Variants in KHDRBS2 observed in about 807,000 individuals in gnomAD.
The protein encoded by KHDRBS2 is KH domain-containing, RNA-binding, signal transduction-associated protein 2.
A neutral mutation model predicts 44.3 loss-of-function variants in KHDRBS2; 26 were observed. The ratio of observed to expected loss-of-function variants is 0.59; its 90% CI spans 0.43 to 0.81. The LOEUF is 0.81. Ranked by LOEUF, KHDRBS2 falls within the 40% of genes least tolerant of loss-of-function variation. KHDRBS2 has a pLI of 0.00. For missense variants in KHDRBS2, 476 were observed against 433.1 expected, an observed-to-expected ratio of 1.10 and a Z score of -0.88; for synonymous variants, 194 against 151.1, an observed-to-expected ratio of 1.28 and a Z score of -2.08.
chr6:61,757,894 C>T (rs1029684066), intron 6 of KHDRBS2, among the ~76,000 whole-genome samples: 1 of 152,080 alleles, frequency 6.6e-6, no homozygotes, highest in Admixed American at 6.6e-5. Context: ...GACATTATTC[C>T]CAGTCCTGTG....
chr6:62,240,668 GTGTGTATATATA>G (rs1232334061), intron 1 of KHDRBS2, among the ~76,000 whole-genome samples: 38 of 66,352 alleles, frequency 5.7e-4, no homozygotes, highest in African/African-American at 1.8e-3. Flanking sequence ...ATGTATGTGT[GTGTGTATATATA>G]TATATATATA....
intron 2 of KHDRBS2, among the ~76,000 whole-genome samples, chr6:62,124,145 AG>A (rs1020738862): frequency 6.6e-6 from 1 of 152,174 alleles, no homozygotes; most frequent in Non-Finnish European, 1.5e-5. Flanking sequence ...CAGTACCCCC[AG>A]GGATCTGAGC....
the KHDRBS2 span, among the ~76,000 whole-genome samples, chr6:61,551,928 G>A: frequency 1.3e-5 from 2 of 152,106 alleles, no homozygotes; most frequent in Non-Finnish European, 2.9e-5. Context: ...CATGTGAATG[G>A]GATTGCATTT....
intron 3 of KHDRBS2, among the ~76,000 whole-genome samples, chr6:62,025,119 C>T (rs545482262): frequency 3.1e-4 from 47 of 151,478 alleles, no homozygotes; most frequent in Non-Finnish European, 5.8e-4. Context: ...TTTAAATTTG[C>T]CAATATTCTC....
intron 3 of KHDRBS2, among the ~76,000 whole-genome samples, chr6:62,019,750 C>T (rs957315482): frequency 2.6e-5 from 4 of 151,870 alleles, no homozygotes; most frequent in Non-Finnish European, 4.4e-5. Context: ...ACTTGCTTTT[C>T]TTTTTATATC....
chr6:62,247,350 G>A (rs1484477449), intron 1 of KHDRBS2, among the ~76,000 whole-genome samples: 1 of 150,872 alleles, frequency 6.6e-6, no homozygotes, highest in African/African-American at 2.4e-5. Flanking sequence ...GTTTGCCATT[G>A]CTCCGCATTA....
At chr6:62,219,403 C>T (rs1259975386) in intron 1 of KHDRBS2, among the ~76,000 whole-genome samples, 1 of 151,764 alleles carries the variant, frequency 6.6e-6, no homozygotes, top group Non-Finnish European at 1.5e-5. Context: ...GTTTCCAAAA[C>T]TGATTAAAGA....
chr6:61,580,291 T>C, the KHDRBS2 span, among the ~76,000 whole-genome samples: 7 of 152,236 alleles, frequency 4.6e-5, no homozygotes, highest in Non-Finnish European at 7.4e-5. Flanking sequence ...GCTAAAGGAT[T>C]ATAAATGCAC....
Position 62,258,839 on chromosome 6 carries a change from G to A in KHDRBS2, c.91+27019C>T, listed in dbSNP as rs146474397. ...TAATGTTCCTATTGGTGACCCTTGG[G>A]AGGCAGTTCAAGCTCTGCACATGTC... On this transcript the variant is annotated intron_variant, in intron 1 of 8. Coordinates refer to ENST00000281156, the MANE Select transcript of KHDRBS2 (RefSeq NM_152688.4). 2.3e-3 allele frequency among the ~76,000 whole-genome samples: 350 copies of A among 152,114 alleles called. 1 individual carries two copies. The highest frequency in any genetic ancestry group is 7.7e-3 in the African/African-American group (318 of 41,532).
chr6:62,200,407 C>T (rs1172349281), intron 1 of KHDRBS2, among the ~76,000 whole-genome samples: 1 of 152,144 alleles, frequency 6.6e-6, no homozygotes, highest in African/African-American at 2.4e-5. Context: ...CAAACAACCC[C>T]ATCAACAAGT....
intron 6 of KHDRBS2, among the ~76,000 whole-genome samples, chr6:61,876,111 C>A (rs753159631): frequency 2.0e-5 from 3 of 151,992 alleles, no homozygotes. Context: ...CAGCATCTTG[C>A]AATTTTTCAC....
chr6:62,015,111 T>C (rs1780978339), intron 3 of KHDRBS2, among the ~76,000 whole-genome samples: 1 of 152,148 alleles, frequency 6.6e-6, no homozygotes, highest in African/African-American at 2.4e-5. Context: ...AAAGTAATTG[T>C]TATCTCTTTT....
At chr6:61,991,482 A>G (rs1190341885) in intron 3 of KHDRBS2, among the ~76,000 whole-genome samples, 1 of 152,150 alleles carries the variant, frequency 6.6e-6, no homozygotes, top group East Asian at 1.9e-4. Flanking sequence ...GATGGGTTGA[A>G]AAGAAACCTA....
intron 6 of KHDRBS2, among the ~76,000 whole-genome samples, chr6:61,802,955 C>A (rs2127590149): frequency 6.6e-6 from 1 of 152,152 alleles, no homozygotes; most frequent in East Asian, 1.9e-4. Flanking sequence ...TAATAAAGAG[C>A]AGATAGAAAG....
At chr6:61,752,416 G>A (rs575185248) in intron 6 of KHDRBS2, among the ~76,000 whole-genome samples, 1 of 152,178 alleles carries the variant, frequency 6.6e-6, no homozygotes, top group African/African-American at 2.4e-5. Context: ...GACTCTAAAT[G>A]CTAGTCTCTT....
intron 1 of KHDRBS2, among the ~76,000 whole-genome samples, chr6:62,269,122 A>C (rs1214195259): frequency 6.6e-6 from 1 of 152,088 alleles, no homozygotes; most frequent in African/African-American, 2.4e-5. Context: ...ATAAACCTAT[A>C]CTTAAAAGCT....
At chr6:62,238,276 T>G (rs1268230862) in intron 1 of KHDRBS2, among the ~76,000 whole-genome samples, 4 of 152,086 alleles carry the variant, frequency 2.6e-5, no homozygotes, top group African/African-American at 9.7e-5. Context: ...GTTATTATTC[T>G]CCCACAAGAA....
chr6:61,728,918 A>G (rs1774003473), intron 7 of KHDRBS2, among the ~76,000 whole-genome samples: 1 of 152,128 alleles, frequency 6.6e-6, no homozygotes, highest in Admixed American at 6.6e-5. Flanking sequence ...AGACAATGTA[A>G]TGATTCTTCA....
the KHDRBS2 span, among the ~76,000 whole-genome samples, chr6:61,673,123 T>C: frequency 2.0e-5 from 3 of 151,972 alleles, no homozygotes; most frequent in Non-Finnish European, 2.9e-5. Flanking sequence ...CCATTGCTTG[T>C]TTTTCTCAGG....
Sources: gnomAD v4.1 joint callset for allele counts (sites outside exome capture counted in the v4.1 genomes callset) on GRCh38, gnomAD v4.1.1 for gene constraint, MANE v1.5 for transcripts, NCBI Gene and HGNC (gene_info 2026-07-23, HGNC 2026-07-21) for gene names.